Variants in NLGN2 observed in about 807,000 individuals in gnomAD.
NLGN2 encodes the protein neuroligin 2.
NLGN2 carries 11 observed loss-of-function variants against 48.6 expected under a neutral mutation model. The observed-to-expected ratio is 0.23, with a 90% CI of 0.14 to 0.37. The LOEUF is 0.37. Among genes scored for constraint, NLGN2 ranks in the 10% least tolerant of loss-of-function variants. NLGN2 has a pLI of 1.00. For missense variants in NLGN2, 801 were observed against 1,225.2 expected, an observed-to-expected ratio of 0.65 and a Z score of 5.17; for synonymous variants, 548 against 550.0, an observed-to-expected ratio of 1.00 and a Z score of 0.05.
rs756030075 is a variant in NLGN2 at position 7,417,074 on chromosome 17, G to T, written c.1783G>T (p.Ala595Ser). ...GCCACGCGTGCGTGACAACTACCGC[G>T]CCAACAAGGTGGCCTTCTGGCTGGA... is the stretch of plus-strand genomic sequence containing the variant. ...LKPRVRDNYR[A>S]NKVAFWLELV... is the part of the protein sequence containing the mutation. Residue 595 changes from alanine (A) to serine (S), a missense_variant, in exon 7 of 7, where the codon GCC becomes TCC. Transcript: ENST00000302926. 1.9e-6 allele frequency: 3 copies of T among 1,613,884 alleles called. No homozygotes were observed. The highest frequency in any genetic ancestry group is 2.5e-6 in the Non-Finnish European group (3 of 1,180,018).
chr17:7,406,439 T>TG (rs1906641719), upstream of NLGN2, among the ~76,000 whole-genome samples: 1 of 151,614 alleles, frequency 6.6e-6, no homozygotes, highest in Non-Finnish European at 1.5e-5. Context: ...AAGGAGATCC[T>TG]GGGGGAATCA....
intron 2 of NLGN2, among the ~76,000 whole-genome samples, chr17:7,412,928 T>C (rs1200792236): frequency 6.6e-6 from 1 of 152,144 alleles, no homozygotes; most frequent in African/African-American, 2.4e-5. Flanking sequence ...TTCTTGATCC[T>C]GTTTTTGTTG....
rs568536965 is a variant in NLGN2 at position 7,416,977 on chromosome 17, C to G, written c.1686C>G (p.Pro562=). ...ATACCAAGTTCATCCACACCAAGCC[C>G]AATCGCTTCGAGGAGGTGGTGTGGA... ...PQDTKFIHTK[P]NRFEEVVWSK... The change falls in exon 7 of 7, where the codon CCC becomes CCG. Residue 562 remains proline, a synonymous_variant. Transcript: ENST00000302926. 143 of 1,613,978 alleles carry G rather than the reference C, an allele frequency of 8.9e-5. 1 individual carries two copies. The highest frequency in any genetic ancestry group is 1.6e-4 in the Middle Eastern group (1 of 6,084).
upstream of NLGN2, chr17:7,405,668 T>G (rs1906606264): frequency 1.3e-5 from 2 of 154,070 alleles, no homozygotes; most frequent in South Asian, 4.1e-4. This position sits in a 1 kb window ranked among gnomAD's most constrained non-coding sequence, Gnocchi z 6.8. Context: ...GGGGTCTCCC[T>G]CTCCCCATCT....
In NLGN2 at chr17:7,416,949, A is replaced by G. The variant is rs1265884412; in HGVS notation, c.1658A>G (p.Gln553Arg). 6.2e-7 allele frequency: 1 copy of G among 1,613,890 alleles called. No individual in the cohort carries two copies. The highest frequency in any genetic ancestry group is 1.7e-5 in the Admixed American group (1 of 59,988). Residue 553 changes from glutamine to arginine, a missense_variant, in exon 7 of 7, where the codon CAG becomes CGG. By Grantham distance (43) the Gln-to-Arg change is conservative. This residue lies in a region of NLGN2 where 303 missense variants were observed against 600.1 expected (regional missense o/e 0.50). Transcript: ENST00000302926. The part of the protein sequence containing the change: ...KTGDPNQPVP[Q>R]DTKFIHTKPN... ...AGGGACCCCAACCAGCCGGTGCCGC[A>G]GGATACCAAGTTCATCCACACCAAG...
intron 6 of NLGN2, 118 bp from the exon 7 acceptor site, chr17:7,416,808 G>A: frequency 7.9e-7 from 1 of 1,271,148 alleles, no homozygotes; most frequent in East Asian, 2.5e-5. Context: ...TTTTTCTCTG[G>A]CTTTCTTGCT....
chr17:7,417,719 G>A lies in NLGN2; in HGVS notation c.2428G>A (p.Gly810Arg), dbSNP rs1378340984. 6.5e-6 allele frequency: 7 copies of A among 1,080,422 alleles called. No individual in the cohort carries two copies. The highest frequency in any genetic ancestry group is 8.1e-6 in the Non-Finnish European group (7 of 862,150). 66.9% of individuals were successfully genotyped at this position (1,080,422 alleles called of 1,614,324 possible). ...PPPPPSLHPF[G>R]PFPPPPPTAT... is the part of the protein sequence containing the mutation. ...ACCGCCCCCCTCCCTTCATCCCTTCGGGCCCTTCCCCCCGCCCCCTCCCAC... is the reference window on the plus strand; with the variant it reads ...ACCGCCCCCCTCCCTTCATCCCTTCAGGCCCTTCCCCCCGCCCCCTCCCAC... Residue 810 changes from glycine (G) to arginine (R), a missense_variant, in exon 7 of 7, where the codon GGG (glycine) becomes AGG (arginine). Transcript: ENST00000302926.
chr17:7,415,425 G>A, intron 5 of NLGN2, 86 bp from the exon 6 acceptor site: 1 of 1,237,608 alleles, frequency 8.1e-7, no homozygotes, highest in Non-Finnish European at 1.2e-6. Context: ...GCAGGTAGAG[G>A]GAAGCATCTG....
chr17:7,410,415 C>T (rs920695500), intron 1 of NLGN2, among the ~76,000 whole-genome samples: 5 of 152,058 alleles, frequency 3.3e-5, no homozygotes, highest in African/African-American at 4.8e-5. Flanking sequence ...ACATGCCCCA[C>T]GTGCCCCCCA....
rs1240409149 is a variant in NLGN2 at position 7,417,488 on chromosome 17, G to A, written c.2197G>A (p.Gly733Ser). ...TGGGGGCCCCCTGCTCCCCGCCGCG[G>A]GCCGTGAGCTGCCACCAGAGGAGGA... The part of the protein sequence containing the change: ...PGGGPLLPAA[G>S]RELPPEEELV... The change falls in exon 7 of 7, where the codon GGC (glycine) becomes AGC (serine). Residue 733 changes from glycine (G) to serine (S), a missense_variant. By Grantham distance (56) the Gly-to-Ser change is moderately conservative. This residue lies in a region of NLGN2 where 276 missense variants were observed against 313.9 expected (regional missense o/e 0.88). Coordinates refer to ENST00000302926, the MANE Select transcript of NLGN2 (RefSeq NM_020795.4). The A allele has an allele frequency of 3.3e-6, 5 of 1,528,924 alleles. No individual in the cohort carries two copies. In the African/African-American group the frequency reaches 5.6e-5, roughly 17 times the overall value. 94.7% of individuals were successfully genotyped at this position (1,528,924 alleles called of 1,614,324 possible).
upstream of NLGN2, among the ~76,000 whole-genome samples, chr17:7,405,991 A>G (rs539525922): frequency 1.9e-3 from 293 of 152,018 alleles, 5 homozygotes; most frequent in East Asian, 5.8e-4. The surrounding 1 kb of genome is among the most constrained non-coding windows in gnomAD (Gnocchi z 6.8). Flanking sequence ...GGATAGGGAG[A>G]AGGAGGAGGG....
chr17:7,416,259 G>A, intron 6 of NLGN2, 152 bp downstream of exon 6: 1 of 679,818 alleles, frequency 1.5e-6, no homozygotes, highest in Non-Finnish European at 2.6e-6. Flanking sequence ...GTTGAGCGTT[G>A]GAGACTCAGC....
At chr17:7,415,433 C>G in intron 5 of NLGN2, 78 bp from the exon 6 acceptor site, 1 of 1,310,192 alleles carries the variant, frequency 7.6e-7, no homozygotes, top group South Asian at 1.2e-5. Context: ...AGGGAAGCAT[C>G]TGCGTGTGGG....
In NLGN2 at chr17:7,417,148, C is replaced by T; in HGVS notation, c.1857C>T (p.Thr619=). The T allele has an allele frequency of 1.2e-6, 2 of 1,606,786 alleles. No individual in the cohort carries two copies. Among genetic ancestry groups the T allele is most frequent in the Admixed American group, 3.3e-5 (2 of 59,708 alleles). ...TGCACACGGAGCTCTTCACCACCACCACGCGCCTGCCTCCCTACGCCACGC... is the reference window on the plus strand; with the variant it reads ...TGCACACGGAGCTCTTCACCACCACTACGCGCCTGCCTCCCTACGCCACGC... ...HNLHTELFTT[T]TRLPPYATRW... The change falls in exon 7 of 7, where the codon ACC becomes ACT. Residue 619 remains threonine (T), a synonymous_variant. Coordinates refer to ENST00000302926, the MANE Select transcript of NLGN2 (RefSeq NM_020795.4).
Position 7,408,826 on chromosome 17 carries a change from A to C in NLGN2, c.457+114A>C. On this transcript the variant is annotated intron_variant, in intron 1 of 6. Coordinates refer to ENST00000302926, the MANE Select transcript of NLGN2 (RefSeq NM_020795.4). The surrounding 1 kb of genome is among the most constrained non-coding windows in gnomAD (Gnocchi z 7.5). Reference sequence around the variant, plus strand: ...CTCAGAGCTGGGCCTTTGTGGGGGCAGTGAGGGACGGAGTGTCCCTGCAAC... The same window carrying C: ...CTCAGAGCTGGGCCTTTGTGGGGGCCGTGAGGGACGGAGTGTCCCTGCAAC... 6.3e-7 allele frequency: 1 copy of C among 1,579,604 alleles called. No homozygotes were observed. Among genetic ancestry groups the C allele is most frequent in the Non-Finnish European group, 8.6e-7 (1 of 1,161,672 alleles).
At position 7,411,854 on chromosome 17, in the gene NLGN2, G is replaced by A. The variant is rs984572056; in HGVS notation, c.458-303G>A. ...AAGCCAAAACCTTTCCAGCCAAGTC[G>A]ATATGTCTTAAGACAGGCCTCAGCC... On this transcript the variant is annotated intron_variant, in intron 1 of 6. Transcript: ENST00000302926. The surrounding 1 kb of genome is among the most constrained non-coding windows in gnomAD (Gnocchi z 4.5). 2.0e-5 allele frequency among the ~76,000 whole-genome samples: 3 copies of A among 150,946 alleles called. No homozygotes were observed. Among genetic ancestry groups the A allele is most frequent in the Admixed American group, 6.6e-5 (1 of 15,142 alleles).
Position 7,414,391 on chromosome 17 carries a change from G to A in NLGN2, c.556G>A (p.Gly186Ser), listed in dbSNP as rs201481724. The change falls in exon 3 of 7, where the codon GGC becomes AGC. Residue 186 changes from glycine (G) to serine (S), a missense_variant. Physicochemically the swap from Gly to Ser is moderately conservative, Grantham distance 56. Transcript: ENST00000302926. ...KKPVMLFLHG[G>S]SYMEGTGNMF... is the part of the protein sequence containing the mutation. ...GCCTGTGATGCTGTTTCTCCATGGC[G>A]GCTCCTACATGGAGGGGACCGGAAA... 3.1e-6 allele frequency: 5 copies of A among 1,613,998 alleles called. No individual in the cohort carries two copies. Among genetic ancestry groups the A allele is most frequent in the Admixed American group, 1.7e-5 (1 of 60,008 alleles).
At position 7,415,039 on chromosome 17, in the gene NLGN2, C is replaced by G. The variant is rs1250660576; in HGVS notation, c.928C>G (p.Leu310Val). 6.2e-7 allele frequency: 1 copy of G among 1,613,406 alleles called. No individual in the cohort carries two copies. Among genetic ancestry groups the G allele is most frequent in the South Asian group, 1.1e-5 (1 of 91,090 alleles). Reference protein sequence around the residue: ...VNYQPLKYTRLLAAKVGCDRE... With the variant: ...VNYQPLKYTRVLAAKVGCDRE... ...CTACCAGCCGCTCAAGTACACGCGG[C>G]TGCTGGCAGCCAAGGTGGGCTGTGA... Residue 310 changes from leucine to valine, a missense_variant, in exon 5 of 7, where the codon CTG (leucine) becomes GTG (valine). Physicochemically the swap from Leu to Val is conservative, Grantham distance 32. Transcript: ENST00000302926.
At position 7,416,919 on chromosome 17, in the gene NLGN2, C is replaced by T; in HGVS notation, c.1635-7C>T. On this transcript the variant is annotated splice_region_variant and splice_polypyrimidine_tract_variant and intron_variant, in intron 6 of 6. Transcript: ENST00000302926. ...CTCCTCCTTTCCCTGCCCTCCTGTG[C>T]CCACAGGGACCCCAACCAGCCGGTG... The T allele has an allele frequency of 6.2e-7, 1 of 1,613,554 alleles. No individual in the cohort carries two copies. Among genetic ancestry groups the T allele is most frequent in the Non-Finnish European group, 8.5e-7 (1 of 1,179,794 alleles).
Sources: allele counts gnomAD v4.1 joint callset (sites outside exome capture counted in the v4.1 genomes callset), GRCh38; gene constraint gnomAD v4.1.1; regional missense constraint gnomAD v4.1.1; non-coding constraint Gnocchi (gnomAD v3.1); transcripts MANE v1.5; gene names NCBI Gene and HGNC (gene_info 2026-07-23, HGNC 2026-07-21).